Variants in ITIH6 observed in about 807,000 individuals in gnomAD.
ITIH6 encodes the protein inter-alpha-trypsin inhibitor heavy chain family member 6.
ITIH6 carries 60 observed loss-of-function variants against 58.2 expected under a neutral mutation model. The ratio of observed to expected loss-of-function variants is 1.03; its 90% CI spans 0.84 to 1.28. ITIH6 has a LOEUF of 1.28. ITIH6 is among the 50% of genes most tolerant of loss of function. ITIH6 has a pLI of 0.00. For synonymous variants in ITIH6, 493 were observed against 417.4 expected (o/e 1.18, Z -2.21); for missense variants, 1,290 against 1,021.1 (o/e 1.26, Z -3.59).
chrX:54,769,122 A>G (rs1189402283), intron 6 of ITIH6, among the ~76,000 whole-genome samples: 5 of 91,977 alleles, frequency 5.4e-5, no homozygotes, highest in African/African-American at 1.7e-4. Flanking sequence ...GCTTCATTTC[A>G]TTCATTTCAT....
In ITIH6 at chrX:54,751,086, T is replaced by A. The variant is rs1298180501; in HGVS notation, c.3647A>T (p.His1216Leu). ...GTGGGGTAGTTGCAGGGTACTGGGA[T>A]GCCTGTAGCGGTGTCGGAGGACTAG... ...EFLVLRHRYRHPSTLQLPHLG... is the reference protein window; with the variant it reads ...EFLVLRHRYRLPSTLQLPHLG... Residue 1216 changes from histidine (H) to leucine (L), a missense_variant, in exon 12 of 13, where the codon CAT (histidine) becomes CTT (leucine). By Grantham distance (99) the His-to-Leu change is moderately conservative (BLOSUM62 -3). Transcript: ENST00000218436. 1 of 1,203,434 alleles carries A rather than the reference T, an allele frequency of 8.3e-7. No individual in the cohort carries two copies. Among genetic ancestry groups the A allele is most frequent in the Non-Finnish European group, 1.1e-6 (1 of 891,353 alleles).
At chrX:54,787,080 T>A (rs1468657175) in intron 5 of ITIH6, 4 of 111,757 alleles carry the variant, frequency 3.6e-5, no homozygotes, top group Non-Finnish European at 5.6e-5. Context: ...GCAGCTGTGT[T>A]AATGGTAAAG....
At chrX:54,752,655 T>C (rs1463649078) in intron 11 of ITIH6, among the ~76,000 whole-genome samples, 1 of 112,218 alleles carries the variant, frequency 8.9e-6, no homozygotes, top group Non-Finnish European at 1.9e-5. Flanking sequence ...TGAGTAAACT[T>C]TCAACTTGAC....
rs748492715 is a variant in ITIH6, at chrX:54,779,248, C to T, written c.787-5051G>A. On this transcript the variant is annotated intron_variant, in intron 5 of 12. Coordinates refer to ENST00000218436, the MANE Select transcript of ITIH6 (RefSeq NM_198510.3). ...CAGAAAAACACAAAATATTATAACA[C>T]TGTAACAGTGGTGTATAAACCACTC... 2.7e-5 allele frequency among the ~76,000 whole-genome samples: 3 copies of T among 112,009 alleles called. No individual in the cohort carries two copies. The South Asian group carries it at 1.1e-3, about 42-fold the overall frequency.
chrX:54,767,089 G>A (rs1391542552), intron 6 of ITIH6, among the ~76,000 whole-genome samples: 1 of 110,643 alleles, frequency 9.0e-6, no homozygotes, highest in Non-Finnish European at 1.9e-5. Context: ...TCTATTCAGA[G>A]ATTCAACTTC....
chrX:54,757,699 G>A lies in ITIH6; in HGVS notation c.2375C>T (p.Pro792Leu), dbSNP rs1251421040. ...LHSKPGAPSHPQLGALTSQAP... is the reference protein window; with the variant it reads ...LHSKPGAPSHLQLGALTSQAP... ...CTGTGATGTGAGTGCCCCAAGTTGG[G>A]GGTGCGATGGAGCACCAGGTTTGGA... Residue 792 changes from proline (P) to leucine (L), a missense_variant, in exon 8 of 13, where the codon CCC becomes CTC. Pro to Leu is a moderately conservative substitution (Grantham distance 98). Transcript: ENST00000218436. 1.7e-6 allele frequency: 2 copies of A among 1,208,827 alleles called. No homozygotes were observed. The highest frequency in any genetic ancestry group is 3.0e-5 in the East Asian group (1 of 33,734).
chrX:54,786,038 C>T lies in ITIH6; in HGVS notation c.786+2442G>A, dbSNP rs1256590803. The stretch of plus-strand genomic sequence containing the variant: ...GTGCACACTCACTGTTGGACATGTG[C>T]CCCAGGATGTTTCAAGAAGCCTCTG... On this transcript the variant is annotated intron_variant, in intron 5 of 12. Transcript: ENST00000218436. 3.6e-5 allele frequency among the ~76,000 whole-genome samples: 4 copies of T among 111,791 alleles called. No individual in the cohort carries two copies. In the South Asian group the frequency reaches 1.1e-3, roughly 32 times the overall value.
chrX:54,755,283 T>A (rs1928463271), intron 8 of ITIH6, among the ~76,000 whole-genome samples, 174 bp from the exon 9 acceptor site: 1 of 112,650 alleles, frequency 8.9e-6, no homozygotes, highest in South Asian at 3.6e-4. Context: ...ATGTTCAAAG[T>A]TCTTCCTTAT....
At position 54,797,938 on chromosome X, in the gene ITIH6, A is replaced by G. The variant is rs746604509; in HGVS notation, c.102+171T>C. On this transcript the variant is annotated intron_variant, in intron 1 of 12. Transcript: ENST00000218436. ...GACTAAATGAAATAATAATTCTGGG[A>G]CCCCTGGTGCAGCACCTGACATGTG... 9.0e-5 allele frequency among the ~76,000 whole-genome samples: 10 copies of G among 111,305 alleles called. No homozygotes were observed. The Admixed American group carries it at 9.5e-4, about 11-fold the overall frequency.
At chrX:54,765,862 C>A (rs1928772171) in intron 6 of ITIH6, among the ~76,000 whole-genome samples, 1 of 109,697 alleles carries the variant, frequency 9.1e-6, no homozygotes, top group Admixed American at 9.6e-5. Flanking sequence ...TTAGGATTGA[C>A]TTGGCAATGC....
Position 54,788,611 on chromosome X carries a change from C to T in ITIH6, c.655G>A (p.Gly219Arg), listed in dbSNP as rs1156465732. The T allele has an allele frequency of 4.1e-6, 5 of 1,208,074 alleles. No homozygotes were observed. The highest frequency in any genetic ancestry group is 3.5e-5 in the African/African-American group (2 of 56,944). ...TAGGTGATTCGGACACAGGTCTCTC[C>T]CCTCTCGATCCTGGTGGATGGGGGT... Reference protein sequence around the residue: ...DSPPSTRIERGETCVRITYCP... With the variant: ...DSPPSTRIERRETCVRITYCP... The change falls in exon 5 of 13, where the codon GGA (glycine) becomes AGA (arginine). Residue 219 changes from glycine to arginine, a missense_variant. Gly to Arg is a moderately radical substitution (Grantham distance 125, BLOSUM62 -2). Transcript: ENST00000218436.
Position 54,774,061 on chromosome X carries a change from G to A in ITIH6, c.903+20C>T. On this transcript the variant is annotated intron_variant, in intron 6 of 12. Transcript: ENST00000218436. ...TCTTCTGATACTAGGACTAAGAAAGGTTTCCAGGATCCTTGTTACCTGTTC... is the reference window on the plus strand; with the variant it reads ...TCTTCTGATACTAGGACTAAGAAAGATTTCCAGGATCCTTGTTACCTGTTC... 9.8e-7 allele frequency: 1 copy of A among 1,017,657 alleles called. No individual in the cohort carries two copies. Among genetic ancestry groups the A allele is most frequent in the Non-Finnish European group, 1.4e-6 (1 of 735,894 alleles). The allele number at this position is 1,017,657 out of a possible 1,213,427, so 83.9% of individuals were successfully genotyped here.
intron 6 of ITIH6, among the ~76,000 whole-genome samples, chrX:54,768,108 G>A (rs1310880564): frequency 2.3e-5 from 2 of 86,154 alleles, no homozygotes; most frequent in Non-Finnish European, 4.3e-5. Context: ...AGGATAGTTA[G>A]CTCCTCTTGT....
At chrX:54,789,370 C>T (rs1321721744) in intron 4 of ITIH6, among the ~76,000 whole-genome samples, 7 of 111,685 alleles carry the variant, frequency 6.3e-5, no homozygotes, top group African/African-American at 1.6e-4. Context: ...TCTGCTCCCC[C>T]TCCTTCCTGC....
intron 5 of ITIH6, among the ~76,000 whole-genome samples, chrX:54,782,677 A>C (rs1929170001): frequency 8.9e-6 from 1 of 112,025 alleles, no homozygotes; most frequent in African/African-American, 3.2e-5. Flanking sequence ...AATAACATGC[A>C]ACAAGAACAA....
Position 54,757,198 on chromosome X carries a change from G to C in ITIH6, c.2876C>G (p.Pro959Arg), listed in dbSNP as rs759313875. 4.4e-5 allele frequency: 53 copies of C among 1,203,602 alleles called. 1 individual carries two copies. The highest frequency in any genetic ancestry group is 5.3e-5 in the Non-Finnish European group (47 of 891,784). ...CATTGTTGGAACTCCTGGCCTAGAT[G>C]GTCCCAGAACTTGCCTGGTCCTCTG... ...GPQRTRQVLG[P>R]SRPGVPTMSL... The change falls in exon 8 of 13, where the codon CCA (proline) becomes CGA (arginine). Residue 959 changes from proline to arginine, a missense_variant. Physicochemically the swap from Pro to Arg is moderately radical, Grantham distance 103. Transcript: ENST00000218436.
Position 54,757,510 on chromosome X carries a change from G to T in ITIH6, c.2564C>A (p.Ser855Tyr), listed in dbSNP as rs779072492. The T allele has an allele frequency of 1.4e-5, 17 of 1,208,568 alleles. No homozygotes were observed. The Admixed American group carries it at 2.9e-4, about 20-fold the overall frequency. The change falls in exon 8 of 13, where the codon TCT becomes TAT. Residue 855 changes from serine to tyrosine, a missense_variant. Transcript: ENST00000218436. Reference protein sequence around the residue: ...LLSKTPKILLSLKPSAPPHQI... With the variant: ...LLSKTPKILLYLKPSAPPHQI... ...GTGTGGTGGGGCACTCGGTTTAAGA[G>T]ATAATAAGATTTTAGGGGTCTTGGA...
intron 5 of ITIH6, among the ~76,000 whole-genome samples, chrX:54,781,282 A>T (rs984408990): frequency 3.6e-5 from 4 of 112,009 alleles, no homozygotes; most frequent in Admixed American, 9.5e-5. Flanking sequence ...TAGCAAAGAA[A>T]ACCATCAACA....
chrX:54,750,112 G>A lies in ITIH6; in HGVS notation c.3731-6C>T. 1 of 1,187,121 alleles carries A rather than the reference G, an allele frequency of 8.4e-7. No homozygotes were observed. The highest frequency in any genetic ancestry group is 1.1e-6 in the Non-Finnish European group (1 of 877,729). On this transcript the variant is annotated splice_region_variant and splice_polypyrimidine_tract_variant and intron_variant, in intron 12 of 12. Transcript: ENST00000218436. ...GTCTGCGTGCTGGAACTGCCCTGAG[G>A]GAGAGAGATGCAGTGCTAGTCAGGG...
Sources: allele counts gnomAD v4.1 joint callset (sites outside exome capture counted in the v4.1 genomes callset), GRCh38; gene constraint gnomAD v4.1.1; transcripts MANE v1.5; gene names NCBI Gene and HGNC (gene_info 2026-07-23, HGNC 2026-07-21).